The following LRRC7 variants were observed in gnomAD, a reference collection of about 807,000 sequenced individuals.
LRRC7 encodes the protein leucine rich repeat containing 7, also known as leucine-rich repeat-containing protein 7.
LRRC7 carries 23 observed loss-of-function variants against 175.7 expected under a neutral mutation model. The observed-to-expected ratio is 0.13, with a 90% CI of 0.09 to 0.19. The LOEUF is 0.19. Ranked by LOEUF, LRRC7 falls within the 10% of genes least tolerant of loss-of-function variation. The probability of loss-of-function intolerance (pLI) is 1.00; values close to 1 mark genes in which losing one functional copy is unlikely to be tolerated. For synonymous variants in LRRC7, 685 were observed against 680.9 expected (o/e 1.01, Z -0.09); for missense variants, 1,354 against 1,904.7 (o/e 0.71, Z 5.38).
At chr1:69,630,464 ACAGT>A (rs1652308434) in intron 1 of LRRC7, among the ~76,000 whole-genome samples, 1 of 152,152 alleles carries the variant, frequency 6.6e-6, no homozygotes, top group South Asian at 2.1e-4. Flanking sequence ...CAGCCCATCT[ACAGT>A]CCAGTTTACC....
intron 4 of LRRC7, among the ~76,000 whole-genome samples, chr1:69,798,066 C>T (rs367938358): frequency 2.6e-5 from 4 of 151,956 alleles, no homozygotes; most frequent in South Asian, 4.2e-4. Flanking sequence ...GGATTACAGG[C>T]GCCTGTCAAC....
At chr1:69,607,395 G>T (rs925622521) in intron 1 of LRRC7, 5 of 151,986 alleles carry the variant, frequency 3.3e-5, no homozygotes, top group Non-Finnish European at 7.4e-5. Flanking sequence ...AATTAAAATT[G>T]TAAGCATTGC....
chr1:69,905,603 C>A (rs1049455638), intron 7 of LRRC7, among the ~76,000 whole-genome samples: 50 of 152,274 alleles, frequency 3.3e-4, no homozygotes, highest in African/African-American at 1.2e-3. Context: ...TTTTTTATGG[C>A]TGCATAGTAT....
At chr1:69,593,440 A>G (rs949759973) in intron 1 of LRRC7, among the ~76,000 whole-genome samples, 3 of 152,142 alleles carry the variant, frequency 2.0e-5, no homozygotes, top group Admixed American at 6.5e-5. Flanking sequence ...ATTTATTCCT[A>G]AGCAAATAGG....
chr1:69,732,824 T>C (rs1023429438), intron 2 of LRRC7, among the ~76,000 whole-genome samples: 7 of 152,046 alleles, frequency 4.6e-5, no homozygotes, highest in African/African-American at 1.7e-4. Context: ...ATGAAGATAC[T>C]TCAATAGAGT....
At chr1:69,730,529 T>C (rs1667456620) in intron 2 of LRRC7, among the ~76,000 whole-genome samples, 1 of 152,124 alleles carries the variant, frequency 6.6e-6, no homozygotes, top group Non-Finnish European at 1.5e-5. Context: ...CTCATCTCCA[T>C]CTGAGACCAC....
intron 2 of LRRC7, among the ~76,000 whole-genome samples, chr1:69,718,265 T>C (rs1156775314): frequency 6.6e-6 from 1 of 151,758 alleles, no homozygotes; most frequent in Non-Finnish European, 1.5e-5. Flanking sequence ...GGGAAATCAA[T>C]GGCTTGTTGT....
chr1:69,906,926 T>C (rs1646336069), intron 7 of LRRC7, among the ~76,000 whole-genome samples: 1 of 152,126 alleles, frequency 6.6e-6, no homozygotes, highest in Non-Finnish European at 1.5e-5. Context: ...TGTATCCTCT[T>C]TTATTTCATT....
chr1:69,726,990 G>A (rs1667050591), intron 2 of LRRC7, among the ~76,000 whole-genome samples: 1 of 152,162 alleles, frequency 6.6e-6, no homozygotes, highest in Non-Finnish European at 1.5e-5. Flanking sequence ...GAATTATTGG[G>A]TGGTTCTGGG....
At chr1:69,723,550 A>G (rs1005095750) in intron 2 of LRRC7, among the ~76,000 whole-genome samples, 7 of 152,204 alleles carry the variant, frequency 4.6e-5, no homozygotes, top group African/African-American at 1.7e-4. Context: ...GAATTTGGAA[A>G]TTAAAACCTT....
chr1:69,899,630 T>A (rs1646077369), intron 7 of LRRC7, among the ~76,000 whole-genome samples: 1 of 152,204 alleles, frequency 6.6e-6, no homozygotes, highest in East Asian at 1.9e-4. Flanking sequence ...TGATCATGGC[T>A]GTGTTCCAAT....
chr1:70,005,593 T>C (rs1293369051), intron 11 of LRRC7, among the ~76,000 whole-genome samples: 1 of 152,232 alleles, frequency 6.6e-6, no homozygotes, highest in East Asian at 1.9e-4. Context: ...TTACTCCCAG[T>C]AGCATCATTC....
intron 1 of LRRC7, among the ~76,000 whole-genome samples, chr1:69,635,461 TAATA>T (rs1653185536): frequency 6.6e-6 from 1 of 152,120 alleles, no homozygotes; most frequent in Admixed American, 6.6e-5. Flanking sequence ...CTAAAATAGA[TAATA>T]GATAAGGTCA....
intron 2 of LRRC7, among the ~76,000 whole-genome samples, chr1:69,751,926 C>T (rs981613450): frequency 1.3e-5 from 2 of 152,040 alleles, no homozygotes; most frequent in African/African-American, 4.8e-5. Flanking sequence ...GGAGATTTGT[C>T]CCAAGAACAG....
At chr1:69,609,103 G>C (rs1557478917) in intron 1 of LRRC7, among the ~76,000 whole-genome samples, 1 of 151,654 alleles carries the variant, frequency 6.6e-6, no homozygotes, top group South Asian at 2.1e-4. Context: ...TTGCAGTTTG[G>C]ATGGGAGAAA....
At chr1:69,915,473 T>A (rs1447615137) in intron 7 of LRRC7, among the ~76,000 whole-genome samples, 1 of 152,194 alleles carries the variant, frequency 6.6e-6, no homozygotes, top group East Asian at 1.9e-4. Context: ...CAAAGTGTGC[T>A]TCTAGTCTAA....
At chr1:69,663,368 T>C (rs2100541300) in intron 1 of LRRC7, among the ~76,000 whole-genome samples, 1 of 152,316 alleles carries the variant, frequency 6.6e-6, no homozygotes, top group African/African-American at 2.4e-5. Flanking sequence ...TAGATGTATA[T>C]ATTTATGGGT....
chr1:69,608,810 CTG>C (rs1241432482), intron 1 of LRRC7, among the ~76,000 whole-genome samples: 14 of 64,300 alleles, frequency 2.2e-4, no homozygotes, highest in African/African-American at 3.7e-4. Flanking sequence ...GTTGCTCTGT[CTG>C]TCTCTCTCTC....
intron 1 of LRRC7, among the ~76,000 whole-genome samples, chr1:69,664,171 A>G (rs372993756): frequency 6.6e-6 from 1 of 152,152 alleles, no homozygotes; most frequent in East Asian, 1.9e-4. Flanking sequence ...TTCATTGTGT[A>G]TATGTACCAC....
Sources: allele counts gnomAD v4.1 joint callset (sites outside exome capture counted in the v4.1 genomes callset), GRCh38; gene constraint gnomAD v4.1.1; transcripts MANE v1.5; gene names NCBI Gene and HGNC (gene_info 2026-07-23, HGNC 2026-07-21).